Variants in CALN1 observed in about 807,000 individuals in gnomAD.
CALN1 encodes the protein calcium-binding protein 8.
Under a neutral mutation model 30.6 loss-of-function variants are expected in CALN1, and 17 were observed. That is an observed-to-expected ratio of 0.56 (90% confidence interval 0.38 to 0.83). The LOEUF is 0.83. Ranked by LOEUF, CALN1 falls within the 40% of genes least tolerant of loss-of-function variation. The pLI is 0.00. For missense variants in CALN1, 291 were observed against 354.9 expected (o/e 0.82, Z 1.45); for synonymous variants, 156 against 131.4 (o/e 1.19, Z -1.28).
chr7:72,180,247 C>G (rs888316225), intron 3 of CALN1, among the ~76,000 whole-genome samples: 8 of 152,178 alleles, frequency 5.3e-5, no homozygotes, highest in Admixed American at 3.3e-4. Context: ...ATGAAGACAA[C>G]TTCATATGGG....
chr7:72,072,892 G>A (rs888002779), intron 4 of CALN1, among the ~76,000 whole-genome samples: 1 of 151,908 alleles, frequency 6.6e-6, no homozygotes, highest in Non-Finnish European at 1.5e-5. Flanking sequence ...AAAGAAAATA[G>A]ACATAAAATA....
chr7:72,392,770 G>A (rs570485972), intron 2 of CALN1, among the ~76,000 whole-genome samples: 172 of 151,956 alleles, frequency 1.1e-3, no homozygotes, highest in Non-Finnish European at 1.9e-3. Context: ...GAGGCCAGAA[G>A]AATTCAAGAC....
chr7:71,972,095 C>T (rs1386106277), intron 5 of CALN1, among the ~76,000 whole-genome samples: 1 of 152,040 alleles, frequency 6.6e-6, no homozygotes, highest in East Asian at 1.9e-4. Context: ...GAGGTGAATA[C>T]GGACGTAGTA....
chr7:72,139,008 C>A (rs534039740), intron 3 of CALN1, among the ~76,000 whole-genome samples: 1 of 152,330 alleles, frequency 6.6e-6, no homozygotes, highest in Admixed American at 6.5e-5. Context: ...AAAAATTCAT[C>A]CTTGACTCCT....
intron 5 of CALN1, among the ~76,000 whole-genome samples, chr7:71,935,197 G>A (rs1795764870): frequency 6.6e-6 from 1 of 152,178 alleles, no homozygotes; most frequent in African/African-American, 2.4e-5. Context: ...AGGCAATGAT[G>A]AGGCTTTACT....
intron 4 of CALN1, among the ~76,000 whole-genome samples, chr7:72,102,565 T>C (rs1806754541): frequency 6.6e-6 from 1 of 152,270 alleles, no homozygotes; most frequent in Non-Finnish European, 1.5e-5. Flanking sequence ...AATAGGAATA[T>C]GGCCATCAAA....
At chr7:72,169,042 G>C (rs1265833971) in intron 3 of CALN1, among the ~76,000 whole-genome samples, 1 of 151,788 alleles carries the variant, frequency 6.6e-6, no homozygotes, top group African/African-American at 2.4e-5. Context: ...CTGACCTCAG[G>C]TGATCCACCC....
intron 3 of CALN1, among the ~76,000 whole-genome samples, chr7:72,140,282 GA>G (rs1809808980): frequency 3.4e-5 from 1 of 29,436 alleles, no homozygotes; most frequent in Non-Finnish European, 6.2e-5. Context: ...AAATAAGAGA[GA>G]GAGAGAGAGA....
At chr7:71,858,555 A>T (rs1220021524) in intron 5 of CALN1, among the ~76,000 whole-genome samples, 1 of 151,834 alleles carries the variant, frequency 6.6e-6, no homozygotes, top group Non-Finnish European at 1.5e-5. Context: ...CTTGCCCACA[A>T]GGAAATTCCT....
chr7:71,990,772 T>G (rs1475756845), intron 5 of CALN1, among the ~76,000 whole-genome samples: 2 of 152,186 alleles, frequency 1.3e-5, no homozygotes, highest in South Asian at 2.1e-4. Context: ...ACTTTCTTAA[T>G]AACGTTATTT....
At chr7:72,075,932 C>T (rs898333455) in intron 4 of CALN1, among the ~76,000 whole-genome samples, 1 of 152,068 alleles carries the variant, frequency 6.6e-6, no homozygotes, top group Non-Finnish European at 1.5e-5. Flanking sequence ...CTCTGGGGCA[C>T]AGGGCATAGG....
intron 5 of CALN1, among the ~76,000 whole-genome samples, chr7:71,833,103 T>C (rs1562821650): frequency 6.6e-6 from 1 of 152,218 alleles, no homozygotes; most frequent in African/African-American, 2.4e-5. Context: ...ATTCCTCCTT[T>C]AGGCCTCAAC....
intron 2 of CALN1, among the ~76,000 whole-genome samples, chr7:72,307,254 C>A (rs951468909): frequency 1.3e-5 from 2 of 152,166 alleles, no homozygotes; most frequent in Non-Finnish European, 2.9e-5. Flanking sequence ...TAGATTCATT[C>A]AATCCATCAT....
intron 2 of CALN1, among the ~76,000 whole-genome samples, chr7:72,340,718 A>G (rs570333076): frequency 3.3e-5 from 5 of 152,298 alleles, no homozygotes; most frequent in Admixed American, 3.3e-4. Flanking sequence ...CCCCTCCCAA[A>G]TCACATACTG....
chr7:72,205,561 T>C (rs865913705), intron 3 of CALN1, among the ~76,000 whole-genome samples: 1,642 of 73,168 alleles, frequency 0.022, 111 homozygotes, highest in East Asian at 0.16. Flanking sequence ...AATATATATA[T>C]ATATATGTAT....
intron 5 of CALN1, among the ~76,000 whole-genome samples, chr7:71,953,354 G>A (rs1796792428): frequency 6.6e-6 from 1 of 152,142 alleles, no homozygotes; most frequent in South Asian, 2.1e-4. Context: ...CTTGTTCCCT[G>A]CACTATTTAA....
chr7:72,449,783 G>A (rs576121377), upstream of CALN1, among the ~76,000 whole-genome samples: 17 of 144,950 alleles, frequency 1.2e-4, no homozygotes, highest in African/African-American at 4.3e-4. Flanking sequence ...GCTGAGGCAG[G>A]AGAATGGCGT....
chr7:72,368,791 A>T (rs1804035036), intron 2 of CALN1, among the ~76,000 whole-genome samples: 1 of 150,404 alleles, frequency 6.6e-6, no homozygotes, highest in South Asian at 2.1e-4. Flanking sequence ...TCACCATCAC[A>T]GAGAATGGTT....
At chr7:71,835,448 C>T (rs934997234) in intron 5 of CALN1, among the ~76,000 whole-genome samples, 4 of 152,140 alleles carry the variant, frequency 2.6e-5, no homozygotes, top group Admixed American at 6.5e-5. Context: ...GTGTTTAAAC[C>T]GTAGCCTCTC....
Sources: gnomAD v4.1 joint callset for allele counts (sites outside exome capture counted in the v4.1 genomes callset) on GRCh38, gnomAD v4.1.1 for gene constraint, MANE v1.5 for transcripts, NCBI Gene and HGNC (gene_info 2026-07-23, HGNC 2026-07-21) for gene names.